Variants in GALNT13 observed in about 807,000 individuals in gnomAD.
GALNT13 encodes UDP-GalNAc:polypeptide N-acetylgalactosaminyltransferase 13.
GALNT13 carries 28 observed loss-of-function variants against 64.2 expected under a neutral mutation model. The observed-to-expected ratio is 0.44, with a 90% CI of 0.32 to 0.60. The LOEUF (loss-of-function observed/expected upper bound fraction) is 0.60. Ranked by LOEUF, GALNT13 falls within the 20% of genes least tolerant of loss-of-function variation. The pLI is 0.05. For synonymous variants in GALNT13, 214 were observed against 224.6 expected (o/e 0.95, Z 0.42); for missense variants, 577 against 669.8 (o/e 0.86, Z 1.53).
chr2:153,662,639 C>T, the GALNT13 span, among the ~76,000 whole-genome samples: 16 of 152,182 alleles, frequency 1.1e-4, no homozygotes, highest in Admixed American at 9.2e-4. Flanking sequence ...AAATCCACTA[C>T]AGTGAATGAC....
intron 4 of GALNT13, among the ~76,000 whole-genome samples, chr2:154,176,926 G>C (rs1328814459): frequency 6.6e-6 from 1 of 151,994 alleles, no homozygotes; most frequent in Non-Finnish European, 1.5e-5. Flanking sequence ...TAAATTGTGG[G>C]CCAGGGAGCA....
the GALNT13 span, among the ~76,000 whole-genome samples, chr2:153,195,257 C>G: frequency 7.2e-5 from 11 of 152,250 alleles, no homozygotes; most frequent in South Asian, 2.3e-3. Flanking sequence ...GTGCCTTTGC[C>G]TGACTCTTGT....
At chr2:154,131,638 G>C (rs1682623995) in intron 3 of GALNT13, among the ~76,000 whole-genome samples, 1 of 152,092 alleles carries the variant, frequency 6.6e-6, no homozygotes, top group African/African-American at 2.4e-5. Context: ...CAGATTTTTC[G>C]TTAATACCTA....
chr2:154,085,536 A>T (rs910564223), intron 3 of GALNT13, among the ~76,000 whole-genome samples: 5 of 152,042 alleles, frequency 3.3e-5, no homozygotes, highest in Non-Finnish European at 7.4e-5. Flanking sequence ...TGAAAAAGGA[A>T]GTTCTTAAAA....
chr2:154,245,566 A>C (rs1368193754), intron 6 of GALNT13, among the ~76,000 whole-genome samples: 1 of 152,180 alleles, frequency 6.6e-6, no homozygotes, highest in Non-Finnish European at 1.5e-5. Context: ...CATCTTGCTA[A>C]GTTAGTACTT....
intron 8 of GALNT13, among the ~76,000 whole-genome samples, chr2:154,261,797 G>C (rs1032355416): frequency 6.6e-6 from 1 of 152,106 alleles, no homozygotes; most frequent in African/African-American, 2.4e-5. Context: ...TCTGTCATGT[G>C]AGTATAGGTG....
the GALNT13 span, among the ~76,000 whole-genome samples, chr2:153,075,143 C>T: frequency 6.6e-6 from 1 of 152,104 alleles, no homozygotes; most frequent in Admixed American, 6.5e-5. Flanking sequence ...ACAACATTTT[C>T]CAGACTAATA....
chr2:154,419,062 C>A (rs967001118), intron 11 of GALNT13, among the ~76,000 whole-genome samples: 7 of 151,950 alleles, frequency 4.6e-5, no homozygotes, highest in African/African-American at 1.7e-4. Context: ...AAAATGAAAT[C>A]CTTAAAATAT....
At chr2:153,332,549 T>C in the GALNT13 span, among the ~76,000 whole-genome samples, 1 of 150,388 alleles carries the variant, frequency 6.6e-6, no homozygotes, top group South Asian at 2.1e-4. Flanking sequence ...TTTTTTTTTT[T>C]CTTTTCTTTC....
chr2:153,421,088 AC>A, the GALNT13 span: 1 of 252,446 alleles, frequency 4.0e-6, no homozygotes, highest in Non-Finnish European at 8.4e-6. Flanking sequence ...CCATGTATTT[AC>A]CATAGTGAGA....
chr2:154,435,811 A>G (rs1054931293), intron 11 of GALNT13: 7 of 152,222 alleles, frequency 4.6e-5, no homozygotes, highest in African/African-American at 1.7e-4. Flanking sequence ...TATTTCACAT[A>G]TAATGTTTTC....
At chr2:153,610,000 G>T in the GALNT13 span, among the ~76,000 whole-genome samples, 1 of 152,080 alleles carries the variant, frequency 6.6e-6, no homozygotes, top group Non-Finnish European at 1.5e-5. Flanking sequence ...TCAGATGAAG[G>T]GTAGGCTGTG....
the GALNT13 span, among the ~76,000 whole-genome samples, chr2:153,601,728 T>G: frequency 6.6e-6 from 1 of 151,954 alleles, no homozygotes; most frequent in South Asian, 2.1e-4. Flanking sequence ...TATCTAGGCC[T>G]TCTATGACTT....
At chr2:153,502,228 T>C in the GALNT13 span, among the ~76,000 whole-genome samples, 1 of 152,178 alleles carries the variant, frequency 6.6e-6, no homozygotes, top group Non-Finnish European at 1.5e-5. Flanking sequence ...TAGTCTTTTA[T>C]CCCTCACCCA....
intron 3 of GALNT13, among the ~76,000 whole-genome samples, chr2:154,029,196 A>G (rs977695609): frequency 1.8e-4 from 28 of 151,794 alleles, no homozygotes; most frequent in African/African-American, 6.3e-4. Context: ...ATCAAAAAAA[A>G]AAAAAAAAGA....
intron 4 of GALNT13, among the ~76,000 whole-genome samples, chr2:154,200,681 CTT>C (rs1354642386): frequency 6.6e-6 from 1 of 152,104 alleles, no homozygotes; most frequent in African/African-American, 2.4e-5. Context: ...TGTGAAGTCT[CTT>C]TTATCAGAGC....
chr2:153,883,957 T>A (rs1034437852), intron 1 of GALNT13, among the ~76,000 whole-genome samples: 1 of 152,004 alleles, frequency 6.6e-6, no homozygotes, highest in Non-Finnish European at 1.5e-5. Context: ...AATGCAAATA[T>A]TATCAAGACT....
At chr2:153,293,861 G>A in the GALNT13 span, among the ~76,000 whole-genome samples, 5 of 151,702 alleles carry the variant, frequency 3.3e-5, no homozygotes, top group Admixed American at 2.0e-4. Context: ...GTGCAATCAC[G>A]GCTCACTGCA....
At chr2:154,181,802 T>C (rs1424848635) in intron 4 of GALNT13, among the ~76,000 whole-genome samples, 1 of 152,018 alleles carries the variant, frequency 6.6e-6, no homozygotes, top group Non-Finnish European at 1.5e-5. Flanking sequence ...ACATAAATAA[T>C]ATTTCACCAT....
Sources: gnomAD v4.1 joint callset for allele counts (sites outside exome capture counted in the v4.1 genomes callset) on GRCh38, gnomAD v4.1.1 for gene constraint, MANE v1.5 for transcripts, NCBI Gene and HGNC (gene_info 2026-07-23, HGNC 2026-07-21) for gene names.